Variants in C8orf34 observed in about 807,000 individuals in gnomAD.
C8orf34 encodes chromosome 8 open reading frame 34, also known as uncharacterized protein C8orf34.
In C8orf34, 65 loss-of-function variants were observed where a neutral mutation model predicts 68.3. The ratio of observed to expected loss-of-function variants is 0.95; its 90% CI spans 0.78 to 1.17. The LOEUF is 1.17. C8orf34 is among the 50% of genes most tolerant of loss of function. The probability of loss-of-function intolerance (pLI) is 0.00; values close to 1 mark genes in which losing one functional copy is unlikely to be tolerated. For missense variants in C8orf34, 664 were observed against 655.4 expected (o/e 1.01, Z -0.14); for synonymous variants, 244 against 241.2 (o/e 1.01, Z -0.11).
chr8:68,793,334 T>C (rs903342674), intron 12 of C8orf34, among the ~76,000 whole-genome samples: 3 of 152,180 alleles, frequency 2.0e-5, no homozygotes, highest in African/African-American at 7.2e-5. Context: ...GAGTGATCAC[T>C]ACTCACAGAT....
chr8:68,767,008 A>C (rs933729694), intron 10 of C8orf34, among the ~76,000 whole-genome samples: 1 of 152,046 alleles, frequency 6.6e-6, no homozygotes, highest in African/African-American at 2.4e-5. Flanking sequence ...ACATGGAGAA[A>C]CCCTGTCTCT....
In C8orf34 at chr8:68,561,593, C is replaced by G. The variant is rs976517792; in HGVS notation, c.1105+28444C>G. On this transcript the variant is annotated intron_variant, in intron 7 of 13. Coordinates refer to ENST00000518698, the MANE Select transcript of C8orf34 (RefSeq NM_052958.4). ...CCAACATGGTGGAATCCTGTCTCTA[C>G]TAAAAATACAAAAAATTAGCTGGAC... 2.0e-5 allele frequency among the ~76,000 whole-genome samples: 3 copies of G among 152,138 alleles called. No individual in the cohort carries two copies. In the East Asian group the frequency reaches 5.8e-4, roughly 30 times the overall value.
At chr8:68,757,487 G>A (rs113929248) in intron 10 of C8orf34, among the ~76,000 whole-genome samples, 30 of 151,974 alleles carry the variant, frequency 2.0e-4, no homozygotes, top group South Asian at 1.0e-3. Context: ...AAAATTAGCC[G>A]GGTATGATGG....
At chr8:68,457,259 C>T (rs976088996) in intron 3 of C8orf34, among the ~76,000 whole-genome samples, 3 of 151,658 alleles carry the variant, frequency 2.0e-5, no homozygotes, top group African/African-American at 7.3e-5. Flanking sequence ...GTATAAACTA[C>T]ATAAATATAA....
chr8:68,817,401 G>A (rs1264621484), intron 13 of C8orf34, among the ~76,000 whole-genome samples: 1 of 152,048 alleles, frequency 6.6e-6, no homozygotes, highest in Non-Finnish European at 1.5e-5. Flanking sequence ...TAAATAAAAA[G>A]TGTGTGCAAA....
chr8:68,563,879 T>A (rs1816506414), intron 7 of C8orf34, among the ~76,000 whole-genome samples: 2 of 142,726 alleles, frequency 1.4e-5, no homozygotes, highest in Non-Finnish European at 1.5e-5. Context: ...CAAATAACAT[T>A]GAAACAAAAT....
At chr8:68,645,365 GC>G (rs1332075224) in intron 8 of C8orf34, among the ~76,000 whole-genome samples, 3 of 152,050 alleles carry the variant, frequency 2.0e-5, no homozygotes, top group Non-Finnish European at 2.9e-5. Context: ...AATGCTTTGA[GC>G]TTTTTTTCCT....
Position 68,774,350 on chromosome 8 carries a change from A to T in C8orf34, c.1405-2049A>T, listed in dbSNP as rs145145676. On this transcript the variant is annotated intron_variant, in intron 10 of 13. Coordinates refer to ENST00000518698, the MANE Select transcript of C8orf34 (RefSeq NM_052958.4). Reference sequence around the variant, plus strand: ...GTGTGTGTATATATATATATATATAAAATAAACAAAAAAATAAACAGTTTA... The same window carrying T: ...GTGTGTGTATATATATATATATATATAATAAACAAAAAAATAAACAGTTTA... 5.4e-3 allele frequency among the ~76,000 whole-genome samples: 596 copies of T among 109,508 alleles called. 12 individuals are homozygous for T. Among genetic ancestry groups the T allele is most frequent in the African/African-American group, 0.029 (521 of 17,850 alleles). The allele number at this position is 109,508 out of a possible 152,430, so 71.8% of individuals were successfully genotyped here. A position where few individuals can be genotyped will look rare whatever the true frequency, so the allele number is the denominator to read the frequency against.
chr8:68,717,049 C>T (rs1469493789), intron 9 of C8orf34, among the ~76,000 whole-genome samples: 2 of 151,844 alleles, frequency 1.3e-5, no homozygotes, highest in East Asian at 2.0e-4. Context: ...TGAAGATTTC[C>T]GTGGTGTGAA....
At chr8:68,436,571 C>A (rs1810676547) in intron 1 of C8orf34, among the ~76,000 whole-genome samples, 1 of 152,162 alleles carries the variant, frequency 6.6e-6, no homozygotes, top group Admixed American at 6.5e-5. Flanking sequence ...AATTCCTTTT[C>A]TCCCAGGGAA....
In C8orf34 at chr8:68,388,485, TCTC is replaced by T. The variant is rs560092941; in HGVS notation, c.328-51011_328-51009del. 6.7e-4 allele frequency among the ~76,000 whole-genome samples: 102 copies of T among 152,204 alleles called. 1 individual carries two copies. The South Asian group carries it at 0.021, about 31-fold the overall frequency. On this transcript the variant is annotated intron_variant, in intron 1 of 13. Coordinates refer to ENST00000518698, the MANE Select transcript of C8orf34 (RefSeq NM_052958.4). ...CAAAAATTTCTCTTCTATTAAAAAATCTCCTATTAGTCTTAAGCTCCTTAGGAA... is the reference window on the plus strand; with the variant it reads ...CAAAAATTTCTCTTCTATTAAAAAATCTATTAGTCTTAAGCTCCTTAGGAA...
intron 10 of C8orf34, among the ~76,000 whole-genome samples, chr8:68,743,524 G>A (rs112278175): frequency 0.025 from 3,822 of 152,248 alleles, 142 homozygotes; most frequent in African/African-American, 0.082. Context: ...CAGTGGGTGC[G>A]CACACCGTGC....
intron 3 of C8orf34, among the ~76,000 whole-genome samples, chr8:68,451,521 G>A (rs1388615423): frequency 1.3e-5 from 2 of 152,012 alleles, no homozygotes; most frequent in African/African-American, 4.8e-5. Flanking sequence ...CCATTGTACG[G>A]TTTTAGATTG....
chr8:68,613,388 A>G (rs996585093), intron 7 of C8orf34, among the ~76,000 whole-genome samples: 4 of 151,948 alleles, frequency 2.6e-5, no homozygotes, highest in Non-Finnish European at 5.9e-5. Flanking sequence ...GGTGTGTTGC[A>G]CCAATTAACT....
At chr8:68,796,866 G>A (rs2953959) in intron 12 of C8orf34, among the ~76,000 whole-genome samples, 1,635 of 136,856 alleles carry the variant, frequency 0.012, 15 homozygotes, top group Non-Finnish European at 0.02. Flanking sequence ...TTGCTCTGTC[G>A]CTGAGGCTGG....
chr8:68,817,537 G>A (rs887495150), intron 13 of C8orf34, among the ~76,000 whole-genome samples: 2 of 152,132 alleles, frequency 1.3e-5, no homozygotes, highest in African/African-American at 4.8e-5. Context: ...GTAAGATGGA[G>A]ATTGAAGGTC....
chr8:68,512,453 A>C (rs999467419), intron 5 of C8orf34, among the ~76,000 whole-genome samples: 2 of 152,182 alleles, frequency 1.3e-5, no homozygotes, highest in Non-Finnish European at 2.9e-5. Flanking sequence ...AACAATTTTG[A>C]AAATGAAGTT....
intron 10 of C8orf34, among the ~76,000 whole-genome samples, chr8:68,763,381 C>T (rs922664131): frequency 1.3e-5 from 2 of 152,102 alleles, no homozygotes; most frequent in South Asian, 2.1e-4. Context: ...TCAAAAAGAC[C>T]ATTTACTCTG....
At position 68,464,157 on chromosome 8, in the gene C8orf34, C is replaced by T. The variant is rs544461916; in HGVS notation, c.608-4535C>T. ...TTCTTATACACCAATAACAGACAAA[C>T]CGAGAGCCAAATCATGAGTGAACTC... On this transcript the variant is annotated intron_variant, in intron 3 of 13. Coordinates refer to ENST00000518698, the MANE Select transcript of C8orf34 (RefSeq NM_052958.4). Among the ~76,000 whole-genome samples the T allele has an allele frequency of 2.1e-3, 324 of 152,152 alleles. 1 individual carries two copies. The highest frequency in any genetic ancestry group is 7.0e-3 in the African/African-American group (290 of 41,500).
Sources: allele counts gnomAD v4.1 joint callset (sites outside exome capture counted in the v4.1 genomes callset), GRCh38; gene constraint gnomAD v4.1.1; transcripts MANE v1.5; gene names NCBI Gene and HGNC (gene_info 2026-07-23, HGNC 2026-07-21).